LHFPL6: variants seen among roughly 807,000 people sequenced by gnomAD.
LHFPL6 encodes LHFPL tetraspan subfamily member 6.
In LHFPL6, 9 loss-of-function variants were observed where a neutral mutation model predicts 20.6. The observed-to-expected ratio is 0.44, with a 90% CI of 0.26 to 0.76. The LOEUF (loss-of-function observed/expected upper bound fraction) is 0.76, where lower values mean the gene tolerates loss of function less well. LHFPL6 is among the 30% of genes least tolerant of loss of function. The pLI, the probability that LHFPL6 is intolerant of heterozygous loss-of-function variation, is 0.20. For missense variants in LHFPL6, 218 were observed against 253.5 expected, an observed-to-expected ratio of 0.86 and a Z score of 0.95; for synonymous variants, 105 against 98.7, an observed-to-expected ratio of 1.06 and a Z score of -0.38.
At chr13:39,519,666 T>C (rs1331037090) in intron 2 of LHFPL6, among the ~76,000 whole-genome samples, 5 of 152,310 alleles carry the variant, frequency 3.3e-5, no homozygotes, top group Admixed American at 2.0e-4. Context: ...ACAAGAAATA[T>C]GTAATCCAGG....
intron 2 of LHFPL6, among the ~76,000 whole-genome samples, chr13:39,572,989 A>C (rs528476298): frequency 6.6e-6 from 1 of 152,334 alleles, no homozygotes; most frequent in East Asian, 1.9e-4. Context: ...CTAATATCTG[A>C]TGATGGCAAA....
chr13:39,352,941 G>GTATATATATGTGTATA (rs1566091685), intron 3 of LHFPL6, among the ~76,000 whole-genome samples: 2 of 41,756 alleles, frequency 4.8e-5, no homozygotes, highest in East Asian at 2.5e-3. Context: ...ATATATGTGT[G>GTATATATATGTGTATA]TATATATATA....
At position 39,601,466 on chromosome 13, in the gene LHFPL6, T is replaced by C. The variant is rs1872945466; in HGVS notation, c.-174-76A>G. ...TAACACTGTTTCAGCTAGTCTACAA[T>C]TTTCAATTAATAAACATTGAGACTT... On this transcript the variant is annotated intron_variant, in intron 1 of 3. Transcript: ENST00000379589. The C allele has an allele frequency of 8.2e-6, 3 of 364,518 alleles. No individual in the cohort carries two copies. In the Admixed American group the frequency reaches 1.3e-4, roughly 15 times the overall value. 22.6% of individuals were successfully genotyped at this position (364,518 alleles called of 1,614,324 possible). A position where few individuals can be genotyped will look rare whatever the true frequency, so the allele number is the denominator to read the frequency against.
intron 2 of LHFPL6, among the ~76,000 whole-genome samples, chr13:39,428,854 T>C (rs186983094): frequency 2.0e-5 from 3 of 152,324 alleles, no homozygotes; most frequent in Admixed American, 6.5e-5. Flanking sequence ...CTCACAAATT[T>C]TGATGTATTT....
intron 2 of LHFPL6, among the ~76,000 whole-genome samples, chr13:39,481,566 T>G (rs1868527243): frequency 6.6e-6 from 1 of 151,964 alleles, no homozygotes; most frequent in Admixed American, 6.6e-5. Context: ...GGAGCCTAAA[T>G]AACACAGGAA....
At chr13:39,375,602 A>C (rs1235537406) in intron 3 of LHFPL6, among the ~76,000 whole-genome samples, 1 of 151,798 alleles carries the variant, frequency 6.6e-6, no homozygotes. Context: ...GAGGCACGAG[A>C]ATCGCTTAAC....
At chr13:39,350,734 G>T (rs559774572) in intron 3 of LHFPL6, among the ~76,000 whole-genome samples, 1 of 152,316 alleles carries the variant, frequency 6.6e-6, no homozygotes, top group South Asian at 2.1e-4. Flanking sequence ...CAACAATGGG[G>T]AATACTATTC....
intron 2 of LHFPL6, among the ~76,000 whole-genome samples, chr13:39,460,611 GA>G (rs981096828): frequency 3.3e-5 from 5 of 152,184 alleles, no homozygotes; most frequent in Admixed American, 3.3e-4. Context: ...AGTATTTGAT[GA>G]CAAAACAAAT....
chr13:39,535,863 C>T (rs1228062859), intron 2 of LHFPL6, among the ~76,000 whole-genome samples: 1 of 152,142 alleles, frequency 6.6e-6, no homozygotes, highest in Non-Finnish European at 1.5e-5. Context: ...AAGCTCAGGA[C>T]ATAAATGAGC....
At chr13:39,346,202 T>A (rs1254754489) in intron 3 of LHFPL6, among the ~76,000 whole-genome samples, 1 of 152,132 alleles carries the variant, frequency 6.6e-6, no homozygotes, top group African/African-American at 2.4e-5. Flanking sequence ...AGGGAGTTAT[T>A]GGCTTGTGGT....
At chr13:39,483,198 G>C (rs921151953) in intron 2 of LHFPL6, among the ~76,000 whole-genome samples, 2 of 151,424 alleles carry the variant, frequency 1.3e-5, no homozygotes, top group Admixed American at 6.6e-5. Context: ...TGTTATACAA[G>C]TGATTTATTT....
chr13:39,505,170 C>T (rs1869433504), intron 2 of LHFPL6, among the ~76,000 whole-genome samples: 1 of 152,160 alleles, frequency 6.6e-6, no homozygotes, highest in Non-Finnish European at 1.5e-5. Context: ...GTCAACCATT[C>T]CAGGAGGAAA....
intron 2 of LHFPL6, among the ~76,000 whole-genome samples, chr13:39,400,427 C>T (rs75902115): frequency 0.037 from 5,563 of 152,244 alleles, 376 homozygotes; most frequent in African/African-American, 0.13. Flanking sequence ...TCATCATTTG[C>T]AGACAGTTCC....
chr13:39,437,279 G>T (rs1244377405), intron 2 of LHFPL6, among the ~76,000 whole-genome samples: 1 of 152,118 alleles, frequency 6.6e-6, no homozygotes, highest in Admixed American at 6.5e-5. Flanking sequence ...TGGTGTTGGG[G>T]CCTGGTGGAA....
At chr13:39,534,016 C>A (rs1486325535) in intron 2 of LHFPL6, among the ~76,000 whole-genome samples, 3 of 152,014 alleles carry the variant, frequency 2.0e-5, no homozygotes, top group African/African-American at 7.2e-5. Context: ...TCAGAAATAT[C>A]AAAAACAGAC....
intron 2 of LHFPL6, among the ~76,000 whole-genome samples, chr13:39,397,035 T>C (rs892928432): frequency 6.6e-6 from 1 of 152,212 alleles, no homozygotes; most frequent in Non-Finnish European, 1.5e-5. Context: ...TCTGTTGTTT[T>C]AAGCCTCATG....
chr13:39,490,185 G>A lies in LHFPL6; in HGVS notation c.385+110647C>T, dbSNP rs147298184. On this transcript the variant is annotated intron_variant, in intron 2 of 3. Transcript: ENST00000379589. Reference sequence around the variant, plus strand: ...TTCCTCTTCACTGAGTGCAAAACACGCAGGAATTGCTTGGATTCTAAAACA... The same window carrying A: ...TTCCTCTTCACTGAGTGCAAAACACACAGGAATTGCTTGGATTCTAAAACA... Among the ~76,000 whole-genome samples the A allele has an allele frequency of 1.1e-3, 167 of 152,024 alleles. 1 individual carries two copies. Among genetic ancestry groups the A allele is most frequent in the African/African-American group, 3.5e-3 (146 of 41,498 alleles).
At chr13:39,427,651 T>A (rs7999497) in intron 2 of LHFPL6, among the ~76,000 whole-genome samples, 4,303 of 151,734 alleles carry the variant, frequency 0.028, 177 homozygotes, top group African/African-American at 0.092. Context: ...TGTAAAAAAA[T>A]TTTTTTACAC....
chr13:39,372,490 T>TA (rs1005336035), intron 3 of LHFPL6, among the ~76,000 whole-genome samples: 8 of 152,320 alleles, frequency 5.3e-5, no homozygotes, highest in African/African-American at 1.2e-4. Context: ...TTTCTCTGTT[T>TA]AAAAAAATGT....
Sources: allele counts gnomAD v4.1 joint callset (sites outside exome capture counted in the v4.1 genomes callset), GRCh38; gene constraint gnomAD v4.1.1; transcripts MANE v1.5; gene names NCBI Gene and HGNC (gene_info 2026-07-23, HGNC 2026-07-21).